CCDC102B: variants seen among roughly 807,000 people sequenced by gnomAD.
CCDC102B encodes the protein coiled-coil domain-containing protein 102B.
In CCDC102B, 75 loss-of-function variants were observed where a neutral mutation model predicts 57.4. The observed-to-expected ratio is 1.31, with a 90% CI of 1.08 to 1.58. The LOEUF is 1.58. Among genes scored for constraint, CCDC102B ranks in the 40% most tolerant of loss-of-function variants. CCDC102B has a pLI of 0.00. For synonymous variants in CCDC102B, 206 were observed against 201.9 expected (o/e 1.02, Z -0.17); for missense variants, 636 against 582.6 (o/e 1.09, Z -0.94).
chr18:68,972,651 G>A (rs2145264325), intron 6 of CCDC102B, among the ~76,000 whole-genome samples: 1 of 152,168 alleles, frequency 6.6e-6, no homozygotes, highest in Non-Finnish European at 1.5e-5. Context: ...TTAGTTTTAG[G>A]AATCTGCACA....
chr18:68,756,678 C>G (rs922640963), intron 2 of CCDC102B, among the ~76,000 whole-genome samples: 1 of 151,854 alleles, frequency 6.6e-6, no homozygotes, highest in African/African-American at 2.4e-5. Flanking sequence ...TACTTGGTAC[C>G]CCAAACAATG....
chr18:68,752,996 G>GT (rs932047772), intron 2 of CCDC102B, among the ~76,000 whole-genome samples: 16 of 151,692 alleles, frequency 1.1e-4, no homozygotes, highest in Admixed American at 3.3e-4. Context: ...AAACCAGTCT[G>GT]TTTTTTTTAT....
chr18:69,055,710 C>G (rs552832425), downstream of CCDC102B, among the ~76,000 whole-genome samples: 5 of 152,144 alleles, frequency 3.3e-5, no homozygotes, highest in South Asian at 8.3e-4. Flanking sequence ...CTCTCAAGAT[C>G]CTAAACGCAA....
At chr18:68,730,771 T>C (rs959344439) in intron 2 of CCDC102B, among the ~76,000 whole-genome samples, 3 of 152,196 alleles carry the variant, frequency 2.0e-5, no homozygotes, top group Non-Finnish European at 4.4e-5. Context: ...AAGAAGTCAA[T>C]CCCTTGAGTC....
rs543366416 is a variant in CCDC102B, at chr18:69,007,671, C to T, written c.1264-3263C>T. 2.6e-5 allele frequency among the ~76,000 whole-genome samples: 4 copies of T among 152,278 alleles called. No individual in the cohort carries two copies. In the South Asian group the frequency reaches 8.3e-4, roughly 32 times the overall value. On this transcript the variant is annotated intron_variant, in intron 6 of 7. Coordinates refer to ENST00000360242, the MANE Select transcript of CCDC102B (RefSeq NM_024781.3). The stretch of plus-strand genomic sequence containing the variant: ...CTTGAATGAAGTTCCCAAGTGATGC[C>T]GTTGCTGCTGGCTTGGGTATGACTT...
intron 7 of CCDC102B, among the ~76,000 whole-genome samples, chr18:69,018,349 C>T (rs1392825148): frequency 6.6e-6 from 1 of 152,164 alleles, no homozygotes; most frequent in African/African-American, 2.4e-5. Flanking sequence ...GGGGAACCCT[C>T]ATACTGTTCT....
At chr18:69,042,703 TG>T (rs1390393013) in intron 7 of CCDC102B, among the ~76,000 whole-genome samples, 2 of 152,134 alleles carry the variant, frequency 1.3e-5, no homozygotes, top group African/African-American at 4.8e-5. Context: ...ACAGATCTAC[TG>T]AATTATTTTC....
At chr18:68,834,432 CATATATATAT>C (rs67872866) in intron 1 of CCDC102B, among the ~76,000 whole-genome samples, 1 of 137,714 alleles carries the variant, frequency 7.3e-6, no homozygotes, top group Non-Finnish European at 1.6e-5. Context: ...TATGTAAATA[CATATATATAT>C]ATATATATAT....
intron 6 of CCDC102B, among the ~76,000 whole-genome samples, chr18:68,941,182 GT>G (rs2049371547): frequency 6.6e-6 from 1 of 150,610 alleles, no homozygotes; most frequent in African/African-American, 2.4e-5. Flanking sequence ...ATTTAGGAAA[GT>G]ATGTGACTTT....
At chr18:68,860,887 T>G (rs1168295653) in intron 4 of CCDC102B, among the ~76,000 whole-genome samples, 1 of 147,372 alleles carries the variant, frequency 6.8e-6, no homozygotes, top group African/African-American at 2.5e-5. Flanking sequence ...TTCCATTTTG[T>G]TCACTGCTGT....
intron 6 of CCDC102B, among the ~76,000 whole-genome samples, chr18:68,956,041 C>T (rs1029140037): frequency 4.0e-5 from 6 of 151,486 alleles, no homozygotes; most frequent in Admixed American, 1.3e-4. Context: ...TTATAGCTCC[C>T]ATAAGTAATT....
intron 1 of CCDC102B, among the ~76,000 whole-genome samples, chr18:68,824,626 A>G (rs898130246): frequency 1.3e-5 from 2 of 152,196 alleles, no homozygotes; most frequent in African/African-American, 2.4e-5. Context: ...GTGATTTTCA[A>G]TTACATTCCT....
chr18:68,903,637 T>G (rs1471611998), intron 6 of CCDC102B, among the ~76,000 whole-genome samples: 1 of 152,188 alleles, frequency 6.6e-6, no homozygotes, highest in Non-Finnish European at 1.5e-5. Flanking sequence ...AGTCTATGTA[T>G]TCTCTATTTC....
chr18:69,018,675 C>A (rs986894522), intron 7 of CCDC102B, among the ~76,000 whole-genome samples: 7 of 151,852 alleles, frequency 4.6e-5, no homozygotes, highest in Admixed American at 1.3e-4. Flanking sequence ...TAATATGAAC[C>A]CTTTATAAGT....
At chr18:68,833,802 G>T (rs1282513089) in intron 1 of CCDC102B, among the ~76,000 whole-genome samples, 3 of 151,938 alleles carry the variant, frequency 2.0e-5, no homozygotes, top group Non-Finnish European at 2.9e-5. Context: ...TTATTTATTT[G>T]GTTATGTACT....
chr18:68,827,576 A>G (rs2036954650), intron 1 of CCDC102B, among the ~76,000 whole-genome samples: 1 of 152,064 alleles, frequency 6.6e-6, no homozygotes, highest in Non-Finnish European at 1.5e-5. Flanking sequence ...GCAAAAGAAG[A>G]AATGCAGGGA....
chr18:68,726,773 C>T (rs2032614687), intron 2 of CCDC102B, among the ~76,000 whole-genome samples: 1 of 152,098 alleles, frequency 6.6e-6, no homozygotes, highest in Non-Finnish European at 1.5e-5. Flanking sequence ...ATGCTCTATC[C>T]TGATGATTCT....
intron 4 of CCDC102B, among the ~76,000 whole-genome samples, chr18:68,869,734 C>T (rs1238814296): frequency 6.6e-6 from 1 of 152,118 alleles, no homozygotes; most frequent in African/African-American, 2.4e-5. Context: ...AATTAGATCC[C>T]ATTTGTCAAT....
intron 2 of CCDC102B, among the ~76,000 whole-genome samples, chr18:68,767,448 C>T (rs2034506349): frequency 6.6e-6 from 1 of 152,212 alleles, no homozygotes; most frequent in African/African-American, 2.4e-5. Flanking sequence ...CCACTGTCAC[C>T]TTGTTCTCAA....
Sources: gnomAD v4.1 joint callset for allele counts (sites outside exome capture counted in the v4.1 genomes callset) on GRCh38, gnomAD v4.1.1 for gene constraint, MANE v1.5 for transcripts, NCBI Gene and HGNC (gene_info 2026-07-23, HGNC 2026-07-21) for gene names.